RAD51B: variants seen among roughly 807,000 people sequenced by gnomAD.
RAD51B encodes RAD51 paralog B.
RAD51B carries 38 observed loss-of-function variants against 42.2 expected under a neutral mutation model. The observed-to-expected ratio is 0.90, with a 90% CI of 0.70 to 1.18. RAD51B has a LOEUF of 1.18. Ranked by LOEUF, RAD51B falls within the 50% of genes most tolerant of loss-of-function variation. The pLI is 0.00. For missense variants in RAD51B, 373 were observed against 400.7 expected, an observed-to-expected ratio of 0.93 and a Z score of 0.59; for synonymous variants, 154 against 145.2, an observed-to-expected ratio of 1.06 and a Z score of -0.43.
intron 7 of RAD51B, among the ~76,000 whole-genome samples, chr14:67,947,051 G>C (rs922886450): frequency 1.3e-5 from 2 of 152,100 alleles, no homozygotes; most frequent in African/African-American, 4.8e-5. Context: ...TATCAGATAG[G>C]GTTGTGGTGA....
At chr14:68,315,992 T>A (rs1382067699) in intron 8 of RAD51B, among the ~76,000 whole-genome samples, 1 of 152,238 alleles carries the variant, frequency 6.6e-6, no homozygotes, top group East Asian at 1.9e-4. Flanking sequence ...CTTAGACTTA[T>A]ACGGCATTTT....
chr14:68,078,968 C>T lies in RAD51B; in HGVS notation c.756+191764C>T, dbSNP rs1035541414. ...TGGCACCACTGCACTCCCGCCTGGG[C>T]AATAGAGCCAAGACCCTATCTCTAA... On this transcript the variant is annotated intron_variant, in intron 7 of 10. Coordinates refer to ENST00000471583, the MANE Select transcript of RAD51B (RefSeq NM_133510.4). Among the ~76,000 whole-genome samples the T allele has an allele frequency of 2.1e-4, 32 of 152,122 alleles. 1 individual carries two copies. Among genetic ancestry groups the T allele is most frequent in the Admixed American group, 2.0e-3 (30 of 15,268 alleles).
chr14:68,191,101 TTAAA>T (rs879508550), intron 7 of RAD51B, among the ~76,000 whole-genome samples: 12 of 152,360 alleles, frequency 7.9e-5, no homozygotes, highest in Non-Finnish European at 1.6e-4. Context: ...AGTACTTGTG[TTAAA>T]TAAATGTTAT....
intron 10 of RAD51B, among the ~76,000 whole-genome samples, chr14:68,578,298 C>A (rs759466187): frequency 2.6e-5 from 4 of 152,102 alleles, no homozygotes; most frequent in Non-Finnish European, 5.9e-5. Context: ...GTAATCCCAG[C>A]TACTCGGGAG....
At chr14:68,007,335 G>A (rs2075607810) in intron 7 of RAD51B, among the ~76,000 whole-genome samples, 2 of 151,878 alleles carry the variant, frequency 1.3e-5, no homozygotes, top group South Asian at 2.1e-4. Flanking sequence ...TTGTATCTAC[G>A]TTTTGTTTGG....
intron 7 of RAD51B, among the ~76,000 whole-genome samples, chr14:68,030,458 T>C (rs925683108): frequency 3.3e-5 from 5 of 152,202 alleles, no homozygotes; most frequent in African/African-American, 1.2e-4. Context: ...ATGGAACGGC[T>C]TCTTTCCTTA....
At chr14:67,914,731 G>A (rs545378900) in intron 7 of RAD51B, among the ~76,000 whole-genome samples, 1 of 152,092 alleles carries the variant, frequency 6.6e-6, no homozygotes, top group African/African-American at 2.4e-5. Context: ...TTACCTCCTT[G>A]TCAGAGTTTA....
At chr14:68,539,942 A>G (rs1421436743) in intron 10 of RAD51B, among the ~76,000 whole-genome samples, 2 of 152,072 alleles carry the variant, frequency 1.3e-5, no homozygotes, top group Non-Finnish European at 2.9e-5. Context: ...GCTGTTCTTT[A>G]TCAGTGCTGT....
intron 8 of RAD51B, among the ~76,000 whole-genome samples, chr14:68,349,844 C>T (rs759354498): frequency 2.8e-4 from 43 of 152,170 alleles, no homozygotes; most frequent in Admixed American, 1.3e-4. Flanking sequence ...GCATCTATAT[C>T]CCAGTCATAC....
intron 8 of RAD51B, among the ~76,000 whole-genome samples, chr14:68,393,232 A>C (rs995098497): frequency 1.1e-4 from 17 of 152,228 alleles, no homozygotes; most frequent in Admixed American, 1.1e-3. Flanking sequence ...CTCAGAAATG[A>C]ATTCCAGGGA....
chr14:68,253,576 AAT>A (rs2080687657), intron 7 of RAD51B, among the ~76,000 whole-genome samples: 1 of 152,218 alleles, frequency 6.6e-6, no homozygotes, highest in African/African-American at 2.4e-5. Context: ...TGTATAATCA[AAT>A]ATGTCAGCAT....
chr14:68,673,339 C>CACATAT (rs1893199223), intron 11 of RAD51B, among the ~76,000 whole-genome samples: 1 of 151,892 alleles, frequency 6.6e-6, no homozygotes, highest in South Asian at 2.1e-4. Context: ...ATTGTATGCA[C>CACATAT]ACATATACAT....
chr14:68,141,725 C>T (rs114287720), intron 7 of RAD51B, among the ~76,000 whole-genome samples: 181 of 152,070 alleles, frequency 1.2e-3, no homozygotes, highest in African/African-American at 4.1e-3. Context: ...ATTTTTCCTT[C>T]GAAAGTTTTA....
At chr14:67,868,175 G>A (rs1434642864) in intron 5 of RAD51B, among the ~76,000 whole-genome samples, 15 of 152,182 alleles carry the variant, frequency 9.9e-5, no homozygotes, top group African/African-American at 2.4e-4. Flanking sequence ...CTGAGGTACC[G>A]GGTTCATCTC....
chr14:68,465,717 G>A (rs1000452501), intron 9 of RAD51B, among the ~76,000 whole-genome samples: 64 of 152,074 alleles, frequency 4.2e-4, no homozygotes, highest in Non-Finnish European at 7.5e-4. Flanking sequence ...CAGGGCAGGC[G>A]GATCACGAGG....
At chr14:67,841,962 T>C (rs1454322680) in intron 4 of RAD51B, among the ~76,000 whole-genome samples, 3 of 152,216 alleles carry the variant, frequency 2.0e-5, no homozygotes, top group Non-Finnish European at 4.4e-5. Context: ...AATTTGAATC[T>C]GTACATTGCT....
chr14:68,202,698 T>C (rs1166590381), intron 7 of RAD51B, among the ~76,000 whole-genome samples: 1 of 148,388 alleles, frequency 6.7e-6, no homozygotes, highest in Non-Finnish European at 1.5e-5. Context: ...TTCTCCTGCC[T>C]CAGCCTCCTC....
chr14:68,087,148 A>AG (rs929085884), intron 7 of RAD51B, among the ~76,000 whole-genome samples: 6 of 151,606 alleles, frequency 4.0e-5, no homozygotes, highest in African/African-American at 7.3e-5. Context: ...AAAAAAAAAA[A>AG]AGAGAGAGAG....
chr14:68,333,963 C>A (rs1259712940), intron 8 of RAD51B, among the ~76,000 whole-genome samples: 1 of 152,180 alleles, frequency 6.6e-6, no homozygotes, highest in Admixed American at 6.5e-5. Flanking sequence ...TGGTAACCAC[C>A]ATTCTACTGT....
Sources: allele counts gnomAD v4.1 joint callset (sites outside exome capture counted in the v4.1 genomes callset), GRCh38; gene constraint gnomAD v4.1.1; transcripts MANE v1.5; gene names NCBI Gene and HGNC (gene_info 2026-07-23, HGNC 2026-07-21).